The following LINGO2 variants were observed in gnomAD, a reference collection of about 807,000 sequenced individuals.
LINGO2 encodes the protein leucine rich repeat and Ig domain containing 2, also known as leucine-rich repeat and immunoglobulin-like domain-containing nogo receptor-interacting protein 2.
A neutral mutation model predicts 30.6 loss-of-function variants in LINGO2; 14 were observed. That is an observed-to-expected ratio of 0.46 (90% CI 0.30 to 0.72). The LOEUF (loss-of-function observed/expected upper bound fraction) is 0.72, where lower values mean the gene tolerates loss of function less well. LINGO2 is among the 30% of genes least tolerant of loss of function. The pLI, the probability that LINGO2 is intolerant of heterozygous loss-of-function variation, is 0.07. For synonymous variants in LINGO2, 317 were observed against 288.5 expected (o/e 1.10, Z -1.00); for missense variants, 729 against 751.7 (o/e 0.97, Z 0.35).
chr9:28,848,634 T>C, the LINGO2 span, among the ~76,000 whole-genome samples: 7 of 151,082 alleles, frequency 4.6e-5, no homozygotes, highest in African/African-American at 1.2e-4. Context: ...ATCAAGTCAA[T>C]GGTTTGAGAA....
chr9:28,930,536 G>C, the LINGO2 span, among the ~76,000 whole-genome samples: 1 of 152,178 alleles, frequency 6.6e-6, no homozygotes, highest in African/African-American at 2.4e-5. The surrounding 1 kb of genome is among the most constrained non-coding windows in gnomAD (Gnocchi z 4.2). Context: ...TTGGATATCA[G>C]AACTTCAAGG....
chr9:28,964,596 T>A, the LINGO2 span, among the ~76,000 whole-genome samples: 1 of 151,816 alleles, frequency 6.6e-6, no homozygotes, highest in Non-Finnish European at 1.5e-5. Context: ...AGTGACATAG[T>A]CAGATTCTAG....
At chr9:28,792,616 C>A in the LINGO2 span, among the ~76,000 whole-genome samples, 1,048 of 152,154 alleles carry the variant, frequency 6.9e-3, 5 homozygotes, top group Non-Finnish European at 0.012. Flanking sequence ...CAGCAAATTT[C>A]CCTATCATGA....
At chr9:28,643,924 C>A (rs1827717287) in intron 1 of LINGO2, among the ~76,000 whole-genome samples, 1 of 151,944 alleles carries the variant, frequency 6.6e-6, no homozygotes, top group African/African-American at 2.4e-5. Context: ...GGCAAATAGG[C>A]ATACGAAATG....
chr9:28,323,491 T>C (rs2134311041), intron 3 of LINGO2, among the ~76,000 whole-genome samples: 1 of 152,050 alleles, frequency 6.6e-6, no homozygotes, highest in Non-Finnish European at 1.5e-5. Context: ...TCCCAGCTAA[T>C]TGGGAGGCTG....
At chr9:28,302,104 T>C (rs914204314) in intron 3 of LINGO2, among the ~76,000 whole-genome samples, 1 of 152,172 alleles carries the variant, frequency 6.6e-6, no homozygotes, top group Admixed American at 6.5e-5. Context: ...GAAAGACCTC[T>C]AGCAGCTAAT....
chr9:28,092,354 T>C (rs1587836294), intron 4 of LINGO2, among the ~76,000 whole-genome samples: 1 of 152,056 alleles, frequency 6.6e-6, no homozygotes, highest in African/African-American at 2.4e-5. Flanking sequence ...CACCATGGAA[T>C]ACTATGCAGC....
the LINGO2 span, among the ~76,000 whole-genome samples, chr9:28,893,903 GCC>G: frequency 1.5e-5 from 2 of 132,536 alleles, no homozygotes; most frequent in African/African-American, 5.7e-5. Context: ...CCTCCCCCCT[GCC>G]CCCACCCCAC....
chr9:28,048,194 A>C (rs924991140), intron 4 of LINGO2, among the ~76,000 whole-genome samples: 5 of 150,948 alleles, frequency 3.3e-5, no homozygotes, highest in African/African-American at 1.2e-4. Context: ...ACAATTTAGG[A>C]AACAAGTGTT....
chr9:28,555,054 A>G (rs1423828763), intron 1 of LINGO2, among the ~76,000 whole-genome samples: 1 of 139,478 alleles, frequency 7.2e-6, no homozygotes, highest in Non-Finnish European at 1.5e-5. Context: ...GGAAGGATCC[A>G]AAATTGACAC....
At chr9:29,104,676 T>C in the LINGO2 span, among the ~76,000 whole-genome samples, 1 of 152,182 alleles carries the variant, frequency 6.6e-6, no homozygotes, top group Admixed American at 6.5e-5. Flanking sequence ...AAATCACTTA[T>C]CTTGCAGTTA....
chr9:28,400,694 A>G (rs1482045287), intron 2 of LINGO2, among the ~76,000 whole-genome samples: 1 of 152,238 alleles, frequency 6.6e-6, no homozygotes, highest in African/African-American at 2.4e-5. Context: ...AAGAGTTGAG[A>G]CAAAAGGGTA....
chr9:28,117,775 A>C (rs1003170784), intron 4 of LINGO2, among the ~76,000 whole-genome samples: 3 of 148,946 alleles, frequency 2.0e-5, no homozygotes, highest in Non-Finnish European at 4.5e-5. Context: ...CGGCTCGCGG[A>C]CGGTGCGCAC....
rs1554653804 is a variant in LINGO2, at chr9:28,003,386, T to TAGATATAGAG, written c.-36+8968_-36+8969insCTCTATATCT. On this transcript the variant is annotated intron_variant, in intron 5 of 5. Coordinates refer to ENST00000379992, the Ensembl canonical transcript of LINGO2. ...AGATAGATAGATAGATAGATAGATA[T>TAGATATAGAG]AGAGAGAGAGAGAGTTAGAGAGTTC... Among the ~76,000 whole-genome samples, 1,271 of 134,878 alleles carry TAGATATAGAG rather than the reference T, an allele frequency of 9.4e-3. 7 individuals are homozygous for TAGATATAGAG. Among genetic ancestry groups the TAGATATAGAG allele is most frequent in the South Asian group, 0.015 (64 of 4,392 alleles). 88.5% of individuals were successfully genotyped at this position (134,878 alleles called of 152,430 possible). A position where few individuals can be genotyped will look rare whatever the true frequency, so the allele number is the denominator to read the frequency against.
intron 4 of LINGO2, among the ~76,000 whole-genome samples, chr9:28,089,976 A>C (rs1263980393): frequency 9.9e-5 from 15 of 152,198 alleles, no homozygotes; most frequent in Admixed American, 6.6e-5. Flanking sequence ...GAAATGGATA[A>C]ATTCCTGGAC....
At chr9:28,745,531 T>C in the LINGO2 span, among the ~76,000 whole-genome samples, 1 of 152,226 alleles carries the variant, frequency 6.6e-6, no homozygotes, top group South Asian at 2.1e-4. Flanking sequence ...CTTAGGAAAA[T>C]TCCCAGACGT....
intron 4 of LINGO2, among the ~76,000 whole-genome samples, chr9:28,021,461 T>A (rs1054709778): frequency 2.6e-5 from 4 of 152,136 alleles, no homozygotes; most frequent in Non-Finnish European, 5.9e-5. Flanking sequence ...GAATGTATAT[T>A]TTCCTGTTGC....
intron 2 of LINGO2, among the ~76,000 whole-genome samples, chr9:28,374,349 T>A (rs1394148106): frequency 6.6e-6 from 1 of 151,872 alleles, no homozygotes; most frequent in Non-Finnish European, 1.5e-5. Flanking sequence ...ATGAATATTA[T>A]GCTTTAAGTG....
At chr9:28,501,375 T>A (rs1819875562) in intron 1 of LINGO2, among the ~76,000 whole-genome samples, 1 of 152,170 alleles carries the variant, frequency 6.6e-6, no homozygotes, top group Non-Finnish European at 1.5e-5. Flanking sequence ...TATTAAGCAT[T>A]GCCACTATCA....
Sources: allele counts gnomAD v4.1 joint callset (sites outside exome capture counted in the v4.1 genomes callset), GRCh38; gene constraint gnomAD v4.1.1; non-coding constraint Gnocchi (gnomAD v3.1); transcripts MANE v1.5; gene names NCBI Gene and HGNC (gene_info 2026-07-23, HGNC 2026-07-21).